The following MGST2 variants were observed in gnomAD, a reference collection of about 807,000 sequenced individuals.
MGST2 encodes microsomal glutathione S-transferase 2, also known as glutathione peroxidase MGST2.
MGST2 carries 9 observed loss-of-function variants against 16.6 expected under a neutral mutation model. That is an observed-to-expected ratio of 0.54 (90% CI 0.33 to 0.95). MGST2 has a LOEUF of 0.95. MGST2 is among the 40% of genes least tolerant of loss of function. The pLI is 0.03. For missense variants in MGST2, 159 were observed against 175.1 expected, an observed-to-expected ratio of 0.91 and a Z score of 0.52; for synonymous variants, 79 against 68.0, an observed-to-expected ratio of 1.16 and a Z score of -0.79.
At chr4:139,721,671 T>TGGC (rs1728239085) in intron 5 of MGST2, among the ~76,000 whole-genome samples, 1 of 152,230 alleles carries the variant, frequency 6.6e-6, no homozygotes, top group African/African-American at 2.4e-5. Flanking sequence ...CAAGTTTTTG[T>TGGC]GGCTTGAGAT....
At chr4:139,724,266 A>G (rs1275865645) in intron 5 of MGST2, among the ~76,000 whole-genome samples, 1 of 152,220 alleles carries the variant, frequency 6.6e-6, no homozygotes, top group Non-Finnish European at 1.5e-5. Flanking sequence ...GTAAATATCA[A>G]TGGCTTTCAG....
chr4:139,718,122 TG>T (rs973621686), intron 5 of MGST2: 1 of 152,188 alleles, frequency 6.6e-6, no homozygotes, highest in African/African-American at 2.4e-5. Context: ...AAAGGGAGCC[TG>T]AACCAGTGAC....
intron 5 of MGST2, among the ~76,000 whole-genome samples, chr4:139,726,706 T>A (rs186619822): frequency 3.3e-5 from 5 of 152,348 alleles, no homozygotes; most frequent in Admixed American, 1.3e-4. Context: ...CATTTACTGC[T>A]TTGAGGAAAC....
At chr4:139,720,799 A>G (rs574618067) in intron 5 of MGST2, among the ~76,000 whole-genome samples, 1 of 152,364 alleles carries the variant, frequency 6.6e-6, no homozygotes, top group South Asian at 2.1e-4. Context: ...GGGCTAAATT[A>G]GAAAGAAATG....
exon 6 of MGST2, chr4:139,740,539 T>A (rs72946561): frequency 1.3e-5 from 2 of 152,126 alleles, no homozygotes; most frequent in Admixed American, 6.5e-5. Context: ...AGGGAGATTT[T>A]TTTCCCCCTC....
Position 139,715,831 on chromosome 4 carries a change from C to T in MGST2, c.*48+11635C>T, listed in dbSNP as rs1157820551. 6.6e-6 allele frequency among the ~76,000 whole-genome samples: 1 copy of T among 152,088 alleles called. No homozygotes were observed. Among genetic ancestry groups the T allele is most frequent in the Non-Finnish European group, 1.5e-5 (1 of 68,024 alleles). On this transcript the variant is annotated intron_variant, in intron 5 of 5. Coordinates refer to the MGST2 transcript ENST00000616265. The surrounding 1 kb of genome is among the most constrained non-coding windows in gnomAD (Gnocchi z 4.4). Reference sequence around the variant, plus strand: ...CTGCAAACTGTTTTATCAGCAAGGTCTTTATGCCGTGTATTTTGTGCTGAA... The same window carrying T: ...CTGCAAACTGTTTTATCAGCAAGGTTTTTATGCCGTGTATTTTGTGCTGAA...
intron 5 of MGST2, chr4:139,719,658 G>A (rs754306373): frequency 5.0e-6 from 8 of 1,612,906 alleles, no homozygotes; most frequent in Admixed American, 1.7e-5. Context: ...ATCATCTGCC[G>A]ACCCATGGCA....
At chr4:139,707,196 C>G (rs189733276), downstream of MGST2, among the ~76,000 whole-genome samples, 6 of 151,910 alleles carry the variant, frequency 3.9e-5, no homozygotes, top group East Asian at 1.2e-3. Flanking sequence ...TGCTATACCT[C>G]CCCCCTCTCC....
intron 4 of MGST2, 45 bp from the exon 5 acceptor site, chr4:139,703,971 T>C: frequency 3.1e-6 from 5 of 1,612,998 alleles, no homozygotes; most frequent in Non-Finnish European, 4.2e-6. Context: ...AGCTTCCTTA[T>C]TACAGTCCAG....
At chr4:139,681,345 C>T (rs1049943392) in intron 2 of MGST2, among the ~76,000 whole-genome samples, 1 of 151,984 alleles carries the variant, frequency 6.6e-6, no homozygotes, top group African/African-American at 2.4e-5. Flanking sequence ...TTATTTCTTC[C>T]CCCAGATTTC....
chr4:139,722,492 T>C (rs1162737059), intron 5 of MGST2, among the ~76,000 whole-genome samples: 2 of 152,232 alleles, frequency 1.3e-5, no homozygotes, highest in Non-Finnish European at 2.9e-5. Flanking sequence ...AAAGCAGATA[T>C]TATTGTGAGA....
chr4:139,725,646 T>C (rs1211134563), intron 5 of MGST2: 2 of 1,124,900 alleles, frequency 1.8e-6, no homozygotes, highest in Admixed American at 3.9e-5. Context: ...ATTTTGAGTA[T>C]TTCCTGGACA....
At chr4:139,724,295 C>A (rs1449616972) in intron 5 of MGST2, among the ~76,000 whole-genome samples, 1 of 152,170 alleles carries the variant, frequency 6.6e-6, no homozygotes, top group Non-Finnish European at 1.5e-5. Flanking sequence ...CTACAGCTCA[C>A]AGTTCATGAT....
intron 2 of MGST2, among the ~76,000 whole-genome samples, chr4:139,680,005 T>C (rs1314785234): frequency 6.6e-6 from 1 of 152,234 alleles, no homozygotes; most frequent in African/African-American, 2.4e-5. Context: ...CCTCTCCCTC[T>C]ATCCCTAGAG....
chr4:139,730,666 T>C (rs1475927364), intron 5 of MGST2: 1 of 1,610,988 alleles, frequency 6.2e-7, no homozygotes. Flanking sequence ...TGGATGCTGC[T>C]CCTGGGAAGA....
At chr4:139,696,469 C>A (rs1410774711) in intron 3 of MGST2, among the ~76,000 whole-genome samples, 2 of 152,196 alleles carry the variant, frequency 1.3e-5, no homozygotes, top group Non-Finnish European at 2.9e-5. Context: ...TTTTCTGGTA[C>A]TGCCTCTTCT....
intron 1 of MGST2, among the ~76,000 whole-genome samples, chr4:139,678,334 T>A (rs1731066540): frequency 1.3e-5 from 2 of 152,240 alleles, no homozygotes; most frequent in African/African-American, 4.8e-5. Flanking sequence ...TCAAAGTGGT[T>A]GTACCGTTTT....
intron 5 of MGST2, among the ~76,000 whole-genome samples, chr4:139,711,410 C>T (rs1727736899): frequency 6.6e-6 from 1 of 151,996 alleles, no homozygotes; most frequent in Admixed American, 6.6e-5. Context: ...ATAGAGCAGC[C>T]CCGAGGGCTG....
intron 3 of MGST2, among the ~76,000 whole-genome samples, chr4:139,700,127 C>CTTTTTT (rs56662682): frequency 8.1e-4 from 67 of 82,962 alleles, no homozygotes; most frequent in Middle Eastern, 0.01. Flanking sequence ...TTTGGTTTTG[C>CTTTTTT]TTTTTTTTTT....
Sources: gnomAD v4.1 joint callset for allele counts (sites outside exome capture counted in the v4.1 genomes callset) on GRCh38, gnomAD v4.1.1 for gene constraint, Gnocchi (gnomAD v3.1) non-coding constraint, MANE v1.5 for transcripts, NCBI Gene and HGNC (gene_info 2026-07-23, HGNC 2026-07-21) for gene names.